Variants in PLXNA4 observed in about 807,000 individuals in gnomAD.
The protein encoded by PLXNA4 is plexin A4, also known as plexin-A4.
A neutral mutation model predicts 191.8 loss-of-function variants in PLXNA4; 44 were observed. That is an observed-to-expected ratio of 0.23 (90% CI 0.18 to 0.29). PLXNA4 has a LOEUF of 0.29. PLXNA4 is among the 10% of genes least tolerant of loss of function. PLXNA4 has a pLI of 1.00. For synonymous variants in PLXNA4, 1,082 were observed against 1,009.5 expected (o/e 1.07, Z -1.36); for missense variants, 1,800 against 2,488.8 (o/e 0.72, Z 5.89).
chr7:132,634,528 T>C (rs576935602), intron 2 of PLXNA4, among the ~76,000 whole-genome samples: 5 of 152,098 alleles, frequency 3.3e-5, no homozygotes, highest in Admixed American at 6.6e-5. Context: ...CAACATCCTA[T>C]CCCACTCTTT....
chr7:132,168,910 TCA>T (rs1459282880), intron 21 of PLXNA4, among the ~76,000 whole-genome samples: 1 of 152,192 alleles, frequency 6.6e-6, no homozygotes, highest in East Asian at 1.9e-4. Context: ...GCAGAGCACC[TCA>T]CAGTCCCTGT....
At chr7:132,274,192 A>G (rs1355507786) in intron 4 of PLXNA4, among the ~76,000 whole-genome samples, 1 of 152,090 alleles carries the variant, frequency 6.6e-6, no homozygotes, top group East Asian at 1.9e-4. Context: ...GACTGACAGC[A>G]AAGGGTCATA....
At chr7:132,577,788 A>G (rs1802318009), upstream of PLXNA4, among the ~76,000 whole-genome samples, 1 of 152,148 alleles carries the variant, frequency 6.6e-6, no homozygotes, top group Non-Finnish European at 1.5e-5. Flanking sequence ...TCAGGTGCTC[A>G]GAGCTGACAC....
At chr7:132,221,379 T>C (rs1245312445) in intron 9 of PLXNA4, among the ~76,000 whole-genome samples, 1 of 152,212 alleles carries the variant, frequency 6.6e-6, no homozygotes, top group African/African-American at 2.4e-5. Flanking sequence ...CTGCCAGATA[T>C]GGCAGTCTGG....
intron 1 of PLXNA4, among the ~76,000 whole-genome samples, chr7:132,519,974 T>C (rs187851347): frequency 6.6e-6 from 1 of 152,310 alleles, no homozygotes; most frequent in African/African-American, 2.4e-5. Flanking sequence ...TGAAATGTTG[T>C]AGGCTTCACA....
At position 132,181,641 on chromosome 7, in the gene PLXNA4, T is replaced by C. The variant is rs186566384; in HGVS notation, c.3253-21A>G. On this transcript the variant is annotated intron_variant, in intron 17 of 31. Transcript: ENST00000321063. The stretch of plus-strand genomic sequence containing the variant: ...CAGATCTGTGGGAGGAGCCACAGAG[T>C]GGAGTCTATGCAGTATCTCCACATA... 5 of 1,612,294 alleles carry C rather than the reference T, an allele frequency of 3.1e-6. No individual in the cohort carries two copies. In the African/African-American group the frequency reaches 5.3e-5, roughly 17 times the overall value.
chr7:132,429,510 C>A, intron 3 of PLXNA4, among the ~76,000 whole-genome samples: 1 of 152,224 alleles, frequency 6.6e-6, no homozygotes, highest in Non-Finnish European at 1.5e-5. Flanking sequence ...GTAAGCATGG[C>A]TGTGTTCTAG....
intron 3 of PLXNA4, among the ~76,000 whole-genome samples, chr7:132,426,074 T>G (rs1795031557): frequency 6.6e-6 from 1 of 152,218 alleles, no homozygotes; most frequent in African/African-American, 2.4e-5. Flanking sequence ...CCTCTGCCAC[T>G]GCTGTGGATT....
intron 3 of PLXNA4, among the ~76,000 whole-genome samples, chr7:132,487,370 G>C (rs1364747740): frequency 6.6e-6 from 1 of 152,180 alleles, no homozygotes; most frequent in Non-Finnish European, 1.5e-5. Flanking sequence ...CATACTGCTT[G>C]CTGACTTATT....
Position 132,612,525 on chromosome 7 carries a change from G to C in PLXNA4, c.-87+33403C>G, listed in dbSNP as rs559276251. ...GAAAAAATACAAAAAGCAGCTAGGC[G>C]TGGTGGTGCACAACTGTAATCCCAC... On this transcript the variant is annotated intron_variant, in intron 2 of 4. Coordinates refer to the PLXNA4 transcript ENST00000378539. Among the ~76,000 whole-genome samples, 4 of 151,966 alleles carry C rather than the reference G, an allele frequency of 2.6e-5. No homozygotes were observed. In the East Asian group the frequency reaches 5.8e-4, roughly 22 times the overall value.
At chr7:132,315,784 C>A (rs578065770) in intron 3 of PLXNA4, among the ~76,000 whole-genome samples, 1 of 152,054 alleles carries the variant, frequency 6.6e-6, no homozygotes, top group African/African-American at 2.4e-5. Context: ...ATAGCAGGAG[C>A]CATGAGGAAG....
chr7:132,530,545 T>G (rs1383498779), intron 1 of PLXNA4, among the ~76,000 whole-genome samples: 1 of 152,190 alleles, frequency 6.6e-6, no homozygotes, highest in Non-Finnish European at 1.5e-5. Flanking sequence ...AAATACAATT[T>G]CACATCCACT....
At chr7:132,458,702 A>G (rs895537206) in intron 3 of PLXNA4, among the ~76,000 whole-genome samples, 3 of 151,906 alleles carry the variant, frequency 2.0e-5, no homozygotes, top group African/African-American at 7.3e-5. Flanking sequence ...GGAATGTTCT[A>G]TTTATTGGTT....
At chr7:132,581,177 G>T (rs1264659966), upstream of PLXNA4, among the ~76,000 whole-genome samples, 4 of 152,188 alleles carry the variant, frequency 2.6e-5, no homozygotes, top group African/African-American at 9.7e-5. Context: ...GGACCTCTAA[G>T]CCAAGGGTTC....
intron 3 of PLXNA4, among the ~76,000 whole-genome samples, chr7:132,335,074 G>A (rs1802763448): frequency 6.6e-6 from 1 of 152,172 alleles, no homozygotes; most frequent in South Asian, 2.1e-4. Context: ...AGTCAAACTT[G>A]ATACTCCTTA....
At chr7:132,647,658 CACAT>C (rs149377765) in intron 1 of PLXNA4, among the ~76,000 whole-genome samples, 3,261 of 152,124 alleles carry the variant, frequency 0.021, 48 homozygotes, top group Non-Finnish European at 0.032. Flanking sequence ...CTCATACACT[CACAT>C]ACACACAGTC....
At chr7:132,140,539 T>C (rs1170508012) in intron 30 of PLXNA4, 60 bp downstream of exon 30, 16 of 1,589,646 alleles carry the variant, frequency 1.0e-5, no homozygotes, top group East Asian at 2.2e-5. Flanking sequence ...GGACCTTTTG[T>C]TGAGGGAGCT....
intron 3 of PLXNA4, among the ~76,000 whole-genome samples, chr7:132,300,112 T>C (rs1462422028): frequency 6.6e-6 from 1 of 152,236 alleles, no homozygotes; most frequent in African/African-American, 2.4e-5. Context: ...CAAAGGTTTT[T>C]TGCAACATCA....
At chr7:132,173,248 G>A (rs960124294) in intron 21 of PLXNA4, among the ~76,000 whole-genome samples, 1 of 152,130 alleles carries the variant, frequency 6.6e-6, no homozygotes, top group Non-Finnish European at 1.5e-5. Flanking sequence ...AAAAATAAAA[G>A]GAAGAGAAAA....
Sources: allele counts gnomAD v4.1 joint callset (sites outside exome capture counted in the v4.1 genomes callset), GRCh38; gene constraint gnomAD v4.1.1; transcripts MANE v1.5; gene names NCBI Gene and HGNC (gene_info 2026-07-23, HGNC 2026-07-21).